Variants in DPP10 observed in about 807,000 individuals in gnomAD.
DPP10 encodes the protein inactive dipeptidyl peptidase 10.
DPP10 carries 33 observed loss-of-function variants against 120.9 expected under a neutral mutation model. That is an observed-to-expected ratio of 0.27 (90% CI 0.21 to 0.37). The LOEUF (loss-of-function observed/expected upper bound fraction) is 0.37, where lower values mean the gene tolerates loss of function less well. Among genes scored for constraint, DPP10 ranks in the 10% least tolerant of loss-of-function variants. The probability of loss-of-function intolerance (pLI) is 1.00; values close to 1 mark genes in which losing one functional copy is unlikely to be tolerated. For synonymous variants in DPP10, 337 were observed against 326.1 expected, an observed-to-expected ratio of 1.03 and a Z score of -0.36; for missense variants, 816 against 942.8, an observed-to-expected ratio of 0.87 and a Z score of 1.76.
At chr2:115,578,342 G>T (rs2081807201) in intron 5 of DPP10, among the ~76,000 whole-genome samples, 1 of 152,006 alleles carries the variant, frequency 6.6e-6, no homozygotes, top group Non-Finnish European at 1.5e-5. Context: ...ATTTCCTTCT[G>T]GGAAAACACA....
chr2:114,661,103 C>T (rs199708761), intron 1 of DPP10, among the ~76,000 whole-genome samples: 32 of 152,166 alleles, frequency 2.1e-4, no homozygotes, highest in East Asian at 1.4e-3. Flanking sequence ...GAGAATTCTG[C>T]CCCAAATGAT....
At chr2:114,512,505 G>T (rs1181391560) in intron 1 of DPP10, among the ~76,000 whole-genome samples, 1 of 152,134 alleles carries the variant, frequency 6.6e-6, no homozygotes, top group African/African-American at 2.4e-5. Context: ...ACAACTTGGA[G>T]GTCTCGATTT....
intron 1 of DPP10, among the ~76,000 whole-genome samples, chr2:114,888,778 G>A (rs535051572): frequency 3.9e-5 from 6 of 152,172 alleles, no homozygotes; most frequent in East Asian, 3.9e-4. Flanking sequence ...TTCTCTTTTC[G>A]GTTCCTCTTT....
intron 7 of DPP10, among the ~76,000 whole-genome samples, chr2:115,712,320 T>C (rs1475031237): frequency 6.6e-6 from 1 of 150,428 alleles, no homozygotes. Context: ...ACCACTGATC[T>C]GACAGGAGGC....
intron 1 of DPP10, among the ~76,000 whole-genome samples, chr2:115,094,986 C>T (rs762029761): frequency 6.6e-6 from 1 of 152,180 alleles, no homozygotes; most frequent in Non-Finnish European, 1.5e-5. Context: ...ACAGTTTGCC[C>T]TTCCCTGAAA....
At chr2:114,533,652 G>A (rs1410629620) in intron 1 of DPP10, among the ~76,000 whole-genome samples, 1 of 151,730 alleles carries the variant, frequency 6.6e-6, no homozygotes, top group Admixed American at 6.6e-5. Flanking sequence ...ATGATAAGAG[G>A]GAAGTGAATT....
intron 5 of DPP10, among the ~76,000 whole-genome samples, chr2:115,575,242 CAATA>C: frequency 6.6e-6 from 1 of 152,238 alleles, no homozygotes; most frequent in Non-Finnish European, 1.5e-5. Flanking sequence ...TAGAGGAAAT[CAATA>C]AATAAACTTG....
chr2:115,209,561 C>T (rs552468215), intron 1 of DPP10, among the ~76,000 whole-genome samples: 1 of 152,102 alleles, frequency 6.6e-6, no homozygotes, highest in Non-Finnish European at 1.5e-5. Flanking sequence ...TCTATTATTT[C>T]TTTCTTATTA....
chr2:114,594,259 GT>G (rs1691703116), intron 1 of DPP10, among the ~76,000 whole-genome samples: 1 of 151,876 alleles, frequency 6.6e-6, no homozygotes, highest in Non-Finnish European at 1.5e-5. Flanking sequence ...CAGACTCCAA[GT>G]TTTTCAGTTT....
In DPP10 at chr2:114,599,518, T is replaced by A. The variant is rs1384442542; in HGVS notation, c.60+156680T>A. On this transcript the variant is annotated intron_variant, in intron 1 of 25. Coordinates refer to ENST00000410059, the MANE Select transcript of DPP10 (RefSeq NM_020868.6). ...TTCTGGCTTGTTTGAATATACTACT[T>A]TTTAAATTTATCCCTGTGGTTTGGG... Among the ~76,000 whole-genome samples, 4 of 151,866 alleles carry A rather than the reference T, an allele frequency of 2.6e-5. No homozygotes were observed. In the East Asian group the frequency reaches 7.7e-4, roughly 29 times the overall value.
chr2:114,774,947 G>A (rs978498657), intron 1 of DPP10, among the ~76,000 whole-genome samples: 2 of 151,886 alleles, frequency 1.3e-5, no homozygotes, highest in African/African-American at 4.8e-5. Flanking sequence ...AATTCTTAGT[G>A]GTAGTTATTA....
chr2:114,574,449 T>C (rs983234534), intron 1 of DPP10, among the ~76,000 whole-genome samples: 54 of 152,296 alleles, frequency 3.5e-4, no homozygotes, highest in African/African-American at 1.3e-3. Flanking sequence ...ATGGAAACAT[T>C]CTTGGCACTG....
chr2:114,443,552 A>G (rs1442579954), intron 1 of DPP10, among the ~76,000 whole-genome samples: 2 of 152,014 alleles, frequency 1.3e-5, no homozygotes, highest in East Asian at 1.9e-4. Flanking sequence ...TTTATTCGGG[A>G]TGCTCTTATT....
chr2:114,646,084 C>G (rs1003383503), intron 1 of DPP10, among the ~76,000 whole-genome samples: 6 of 151,810 alleles, frequency 4.0e-5, no homozygotes, highest in Admixed American at 3.3e-4. Flanking sequence ...TGCTTGAACC[C>G]AGGAGGCGGA....
chr2:114,511,334 A>G (rs904701370), intron 1 of DPP10, among the ~76,000 whole-genome samples: 4 of 152,256 alleles, frequency 2.6e-5, no homozygotes, highest in African/African-American at 9.6e-5. Flanking sequence ...GCCCTGAGAA[A>G]GACAAGCTTA....
At chr2:115,266,995 G>A (rs1437667214) in intron 1 of DPP10, among the ~76,000 whole-genome samples, 1 of 152,110 alleles carries the variant, frequency 6.6e-6, no homozygotes, top group Admixed American at 6.5e-5. Context: ...AGTGCTAGTC[G>A]TTATCAATGC....
chr2:115,380,568 G>T (rs1444310634), intron 3 of DPP10, among the ~76,000 whole-genome samples: 1 of 151,606 alleles, frequency 6.6e-6, no homozygotes, highest in Non-Finnish European at 1.5e-5. Context: ...AGTTAATATT[G>T]TTATGTGTGA....
At chr2:115,633,868 G>T (rs2086098866) in intron 5 of DPP10, among the ~76,000 whole-genome samples, 1 of 152,128 alleles carries the variant, frequency 6.6e-6, no homozygotes, top group Non-Finnish European at 1.5e-5. Flanking sequence ...ATGATATCCT[G>T]ACGTATGTTT....
chr2:114,915,191 A>G (rs753618100), intron 1 of DPP10, among the ~76,000 whole-genome samples: 19 of 152,218 alleles, frequency 1.2e-4, no homozygotes, highest in Non-Finnish European at 1.6e-4. Flanking sequence ...ATGGAAAACA[A>G]AAAGAGCAGA....
Sources: gnomAD v4.1 joint callset for allele counts (sites outside exome capture counted in the v4.1 genomes callset) on GRCh38, gnomAD v4.1.1 for gene constraint, MANE v1.5 for transcripts, NCBI Gene and HGNC (gene_info 2026-07-23, HGNC 2026-07-21) for gene names.